Variants in KBTBD11 observed in about 807,000 individuals in gnomAD.
KBTBD11 encodes kelch repeat and BTB domain containing 11.
For missense variants in KBTBD11, 1,390 were observed against 1,001.8 expected, an observed-to-expected ratio of 1.39 and a Z score of -5.23; for synonymous variants, 747 against 499.0, an observed-to-expected ratio of 1.50 and a Z score of -6.63.
At chr8:1,993,518 CACCCATCCATCCA>C (rs1817007543) in intron 1 of KBTBD11, among the ~76,000 whole-genome samples, 1 of 69,520 alleles carries the variant, frequency 1.4e-5, no homozygotes, top group Non-Finnish European at 3.5e-5. Context: ...TCCATCCATC[CACCCATCCATCCA>C]CCCACCCACC....
chr8:1,999,234 C>A (rs549280801), intron 1 of KBTBD11, among the ~76,000 whole-genome samples: 1 of 152,158 alleles, frequency 6.6e-6, no homozygotes, highest in Non-Finnish European at 1.5e-5. Context: ...ACTGGGAAAG[C>A]CTTTTCAGGG....
At chr8:1,974,175 C>A (rs1164384391) in intron 1 of KBTBD11, among the ~76,000 whole-genome samples, 1 of 94,424 alleles carries the variant, frequency 1.1e-5, no homozygotes, top group East Asian at 3.6e-4. Context: ...CAGCGCTGCC[C>A]GCGGCGGGGT....
In KBTBD11 at chr8:2,004,278, A is replaced by G. The variant is rs1322526652; in HGVS notation, c.*1214A>G. 6.0e-6 allele frequency: 1 copy of G among 166,966 alleles called. No homozygotes were observed. Among genetic ancestry groups the G allele is most frequent in the East Asian group, 1.9e-4 (1 of 5,208 alleles). 10.3% of individuals were successfully genotyped at this position (166,966 alleles called of 1,614,324 possible). On this transcript the variant is annotated 3_prime_UTR_variant, in exon 2 of 2. Coordinates refer to ENST00000320248, the MANE Select transcript of KBTBD11 (RefSeq NM_014867.3). ...TTGACAGGGTATGAGGATTAAAAAC[A>G]AATCAGTTGGGTCGTTTCTCATTTA...
intron 1 of KBTBD11, among the ~76,000 whole-genome samples, chr8:1,985,701 G>C (rs1816688219): frequency 6.6e-6 from 1 of 152,272 alleles, no homozygotes; most frequent in African/African-American, 2.4e-5. Context: ...GCTCATGCCT[G>C]TGAATCTCAG....
Position 2,002,229 on chromosome 8 carries a change from G to A in KBTBD11, c.1037G>A (p.Gly346Asp). 1 of 1,269,598 alleles carries A rather than the reference G, an allele frequency of 7.9e-7. No individual in the cohort carries two copies. The highest frequency in any genetic ancestry group is 2.6e-5 in the South Asian group (1 of 38,962). 78.6% of individuals were successfully genotyped at this position (1,269,598 alleles called of 1,614,324 possible). A position where few individuals can be genotyped will look rare whatever the true frequency, so the allele number is the denominator to read the frequency against. Residue 346 changes from glycine (G) to aspartate (D), a missense_variant, in exon 2 of 2, where the codon GGC becomes GAC. By Grantham distance (94) the Gly-to-Asp change is moderately conservative. Transcript: ENST00000320248. This position sits in a 1 kb window ranked among gnomAD's most constrained non-coding sequence, Gnocchi z 4.1. ...EWRELTRLPE[G>D]APARGCGLCV... ...CGCGAGCTGACGCGGCTGCCCGAGG[G>A]CGCGCCGGCGCGGGGCTGCGGCCTG... is the stretch of plus-strand genomic sequence containing the variant.
intron 1 of KBTBD11, among the ~76,000 whole-genome samples, chr8:1,978,054 T>C (rs1816409817): frequency 6.6e-6 from 1 of 152,204 alleles, no homozygotes; most frequent in Non-Finnish European, 1.5e-5. Context: ...TTTTGTTACA[T>C]AGGTAAACGT....
chr8:1,991,808 A>T (rs1251448980), intron 1 of KBTBD11, among the ~76,000 whole-genome samples: 1 of 151,804 alleles, frequency 6.6e-6, no homozygotes, highest in Non-Finnish European at 1.5e-5. Context: ...AATGGAGCAA[A>T]TTGCCTGGGC....
At chr8:1,976,861 G>T (rs1220619354) in intron 1 of KBTBD11, among the ~76,000 whole-genome samples, 1 of 152,178 alleles carries the variant, frequency 6.6e-6, no homozygotes, top group African/African-American at 2.4e-5. Context: ...GTGTGCAAAG[G>T]CCCTGTGGTG....
chr8:2,002,644 G>T lies in KBTBD11; in HGVS notation c.1452G>T (p.Pro484=). 2 of 1,578,332 alleles carry T rather than the reference G, an allele frequency of 1.3e-6. No individual in the cohort carries two copies. The highest frequency in any genetic ancestry group is 1.7e-6 in the Non-Finnish European group (2 of 1,171,218). Residue 484 remains proline, a synonymous_variant, in exon 2 of 2, where the codon CCG becomes CCT. Coordinates refer to ENST00000320248, the MANE Select transcript of KBTBD11 (RefSeq NM_014867.3). This position sits in a 1 kb window ranked among gnomAD's most constrained non-coding sequence, Gnocchi z 4.1. The part of the protein sequence containing the change: ...DPRRDEWQEC[P]CSSSRERSAD... ...GGCGCGACGAGTGGCAGGAGTGCCC[G>T]TGCAGCAGCAGCCGCGAGCGCTCGG...
intron 1 of KBTBD11, chr8:1,974,781 T>TA (rs1430677702): frequency 1.2e-6 from 1 of 806,840 alleles, no homozygotes; most frequent in East Asian, 1.3e-4. Context: ...TCCACCTCTT[T>TA]AGAGTCCTAC....
At chr8:1,986,275 G>C (rs1248394897) in intron 1 of KBTBD11, among the ~76,000 whole-genome samples, 1 of 152,318 alleles carries the variant, frequency 6.6e-6, no homozygotes, top group East Asian at 1.9e-4. Context: ...CTACTTTTGA[G>C]AATCCTGCTG....
At chr8:1,988,733 C>T (rs1816780541) in intron 1 of KBTBD11, among the ~76,000 whole-genome samples, 1 of 152,158 alleles carries the variant, frequency 6.6e-6, no homozygotes, top group African/African-American at 2.4e-5. Context: ...AGGCTTGAGC[C>T]CCATGGGGCT....
intron 1 of KBTBD11, among the ~76,000 whole-genome samples, chr8:1,989,480 T>G (rs1816828461): frequency 1.3e-5 from 2 of 152,230 alleles, no homozygotes; most frequent in Admixed American, 1.3e-4. Flanking sequence ...ATTCCTCTTC[T>G]ACTTTCAAGT....
Position 2,003,084 on chromosome 8 carries a change from G to A in KBTBD11, c.*20G>A. ...CCGTAGGCCGGCGGGGTCGGCGGGC[G>A]TCTCCCTCGGCAGGGGTTTGCGGGG... is the stretch of plus-strand genomic sequence containing the variant. On this transcript the variant is annotated 3_prime_UTR_variant, in exon 2 of 2. Coordinates refer to ENST00000320248, the MANE Select transcript of KBTBD11 (RefSeq NM_014867.3). The A allele has an allele frequency of 1.6e-6, 2 of 1,258,982 alleles. No individual in the cohort carries two copies. The highest frequency in any genetic ancestry group is 1.0e-6 in the Non-Finnish European group (1 of 999,214). 78.0% of individuals were successfully genotyped at this position (1,258,982 alleles called of 1,614,324 possible).
chr8:1,975,456 C>G (rs953230918), intron 1 of KBTBD11: 1 of 152,262 alleles, frequency 6.6e-6, no homozygotes, highest in African/African-American at 2.4e-5. Flanking sequence ...TACACAAACA[C>G]CATTGTGTTA....
intron 1 of KBTBD11, among the ~76,000 whole-genome samples, chr8:1,978,505 G>T (rs552763147): frequency 1.3e-4 from 20 of 152,328 alleles, no homozygotes; most frequent in African/African-American, 4.3e-4. Context: ...TCGCTGCAGC[G>T]TGGCAGCCTT....
chr8:2,002,174 T>A lies in KBTBD11; in HGVS notation c.982T>A (p.Tyr328Asn). Residue 328 changes from tyrosine to asparagine, a missense_variant, in exon 2 of 2, where the codon TAC (tyrosine) becomes AAC (asparagine). By Grantham distance (143) the Tyr-to-Asn change is moderately radical (BLOSUM62 -2). Coordinates refer to ENST00000320248, the MANE Select transcript of KBTBD11 (RefSeq NM_014867.3). The surrounding 1 kb of genome is among the most constrained non-coding windows in gnomAD (Gnocchi z 4.1). ...DADARGDAAV[Y>N]CFHAAAGEWR... is the part of the protein sequence containing the mutation. The stretch of plus-strand genomic sequence containing the variant: ...GGACGCGCGCGGGGACGCGGCCGTC[T>A]ACTGCTTCCACGCGGCGGCCGGAGA... 8.1e-7 allele frequency: 1 copy of A among 1,237,580 alleles called. No individual in the cohort carries two copies. The highest frequency in any genetic ancestry group is 1.0e-6 in the Non-Finnish European group (1 of 993,184). The allele number at this position is 1,237,580 out of a possible 1,614,324, so 76.7% of individuals were successfully genotyped here. A position where few individuals can be genotyped will look rare whatever the true frequency, so the allele number is the denominator to read the frequency against.
rs2129317777 is a variant in KBTBD11, at chr8:2,005,235, C to A, written c.*2171C>A. 6.0e-6 allele frequency: 1 copy of A among 166,888 alleles called. No homozygotes were observed. Among genetic ancestry groups the A allele is most frequent in the East Asian group, 1.9e-4 (1 of 5,196 alleles). 10.3% of individuals were successfully genotyped at this position (166,888 alleles called of 1,614,324 possible). ...CCCGGCAGCAAAGCCCCAGGTGCTC[C>A]CTGTCACCTCACAACAAAATGCACT... On this transcript the variant is annotated 3_prime_UTR_variant, in exon 2 of 2. Transcript: ENST00000320248.
chr8:2,002,581 G>T lies in KBTBD11; in HGVS notation c.1389G>T (p.Gly463=). The T allele has an allele frequency of 6.3e-7, 1 of 1,583,128 alleles. No homozygotes were observed. Among genetic ancestry groups the T allele is most frequent in the Non-Finnish European group, 8.5e-7 (1 of 1,173,660 alleles). Residue 463 remains glycine, a synonymous_variant, in exon 2 of 2, where the codon GGG becomes GGT. Coordinates refer to ENST00000320248, the MANE Select transcript of KBTBD11 (RefSeq NM_014867.3). The surrounding 1 kb of genome is among the most constrained non-coding windows in gnomAD (Gnocchi z 4.1). The part of the protein sequence containing the change: ...TTCHGEIYVS[G]GSLFYRLLKY... ...GCCACGGCGAGATCTACGTGTCCGG[G>T]GGCTCCCTCTTCTATCGCCTGCTCA...
Sources: allele counts gnomAD v4.1 joint callset (sites outside exome capture counted in the v4.1 genomes callset), GRCh38; gene constraint gnomAD v4.1.1; non-coding constraint Gnocchi (gnomAD v3.1); transcripts MANE v1.5; gene names NCBI Gene and HGNC (gene_info 2026-07-23, HGNC 2026-07-21).